The following ZFC3H1 variants were observed in gnomAD, a reference collection of about 807,000 sequenced individuals.
ZFC3H1 encodes zinc finger C3H1 domain-containing protein.
A neutral mutation model predicts 243.7 loss-of-function variants in ZFC3H1; 71 were observed. That is an observed-to-expected ratio of 0.29 (90% CI 0.24 to 0.36). The LOEUF is 0.36. ZFC3H1 is among the 10% of genes least tolerant of loss of function. The pLI is 1.00. For missense variants in ZFC3H1, 1,966 were observed against 2,317.1 expected, an observed-to-expected ratio of 0.85 and a Z score of 3.11; for synonymous variants, 838 against 813.0, an observed-to-expected ratio of 1.03 and a Z score of -0.52.
At position 71,638,497 on chromosome 12, in the gene ZFC3H1, G is replaced by A. The variant is rs749001333; in HGVS notation, c.1646C>T (p.Pro549Leu). 31 of 1,609,962 alleles carry A rather than the reference G, an allele frequency of 1.9e-5. No individual in the cohort carries two copies. Among genetic ancestry groups the A allele is most frequent in the Middle Eastern group, 3.3e-4 (2 of 6,068 alleles). Residue 549 changes from proline to leucine, a missense_variant, in exon 7 of 35, where the codon CCG becomes CTG. Transcript: ENST00000378743. ...CAATGAACATTCAGAGAAAAATGGC[G>A]GTTGCACTGGTGAAGGAGCTGTAAA... ...TSSPAPSPVQPPFFSECSLGY... is the reference protein window; with the variant it reads ...TSSPAPSPVQLPFFSECSLGY...
intron 5 of ZFC3H1, among the ~76,000 whole-genome samples, chr12:71,643,548 C>CT (rs923567411): frequency 6.6e-6 from 1 of 151,894 alleles, no homozygotes; most frequent in Non-Finnish European, 1.5e-5. Context: ...TCTTTTTGGG[C>CT]TTTTTTCTTC....
intron 2 of ZFC3H1, among the ~76,000 whole-genome samples, chr12:71,656,059 T>G (rs563921444): frequency 6.6e-6 from 1 of 152,270 alleles, no homozygotes; most frequent in East Asian, 1.9e-4. Context: ...ATTCCATTAG[T>G]GTGACATTCT....
rs79827052 is a variant in ZFC3H1 at position 71,653,464 on chromosome 12, T to A, written c.1015+3421A>T. Among the ~76,000 whole-genome samples, 11 of 152,250 alleles carry A rather than the reference T, an allele frequency of 7.2e-5. No homozygotes were observed. In the East Asian group the frequency reaches 1.9e-3, roughly 27 times the overall value. ...CCAAAAAAGAGAGAGAATGGGATAA[T>A]ATTCTAAGAGATAATGATCATTTTT... On this transcript the variant is annotated intron_variant, in intron 2 of 34. Coordinates refer to ENST00000378743, the MANE Select transcript of ZFC3H1 (RefSeq NM_144982.5).
At chr12:71,611,718 C>G in intron 32 of ZFC3H1, 68 bp downstream of exon 32, 1 of 612,612 alleles carries the variant, frequency 1.6e-6, no homozygotes, top group Non-Finnish European at 2.6e-6. Flanking sequence ...TTCAGATTTA[C>G]CTGTCTGGAG....
Position 71,613,446 on chromosome 12 carries a change from T to TG in ZFC3H1, c.5527-12dup. 6.4e-7 allele frequency: 1 copy of TG among 1,572,828 alleles called. No homozygotes were observed. Among genetic ancestry groups the TG allele is most frequent in the Non-Finnish European group, 8.6e-7 (1 of 1,157,118 alleles). ...ATAAAAGAAAATAACCTGTAAAGGT[T>TG]GAGGGGGGCGAAAAATGAATGCAAC... On this transcript the variant is annotated splice_polypyrimidine_tract_variant and intron_variant, in intron 30 of 34. Transcript: ENST00000378743.
chr12:71,625,522 T>C (rs926006759), intron 22 of ZFC3H1, among the ~76,000 whole-genome samples: 2 of 152,038 alleles, frequency 1.3e-5, no homozygotes, highest in African/African-American at 2.4e-5. Flanking sequence ...CAAAAACCCA[T>C]CTCTACAAAA....
At chr12:71,655,487 G>C (rs571976368) in intron 2 of ZFC3H1, among the ~76,000 whole-genome samples, 1 of 151,194 alleles carries the variant, frequency 6.6e-6, no homozygotes, top group African/African-American at 2.4e-5. Flanking sequence ...GAAGAGAGCA[G>C]GGAAAAAAAA....
chr12:71,619,797 G>T, intron 26 of ZFC3H1, 129 bp downstream of exon 26: 1 of 797,974 alleles, frequency 1.3e-6, no homozygotes, highest in Non-Finnish European at 2.0e-6. Context: ...AAGTGCTATG[G>T]CAAAGAGAGA....
At chr12:71,653,769 A>G (rs974855668) in intron 2 of ZFC3H1, among the ~76,000 whole-genome samples, 2 of 152,232 alleles carry the variant, frequency 1.3e-5, no homozygotes, top group East Asian at 1.9e-4. Flanking sequence ...TAATCCCAGC[A>G]CTTTGGGAGG....
At chr12:71,629,977 A>G (rs938982842) in intron 18 of ZFC3H1, among the ~76,000 whole-genome samples, 2 of 152,020 alleles carry the variant, frequency 1.3e-5, no homozygotes, top group African/African-American at 4.8e-5. Context: ...CCAAATTGGG[A>G]GCGATAAAAT....
At chr12:71,655,149 G>A (rs1880985665) in intron 2 of ZFC3H1, among the ~76,000 whole-genome samples, 2 of 151,992 alleles carry the variant, frequency 1.3e-5, no homozygotes. Flanking sequence ...ACAAAAAACT[G>A]ATTACATACT....
At chr12:71,613,234 G>C (rs1879815520) in intron 31 of ZFC3H1, 101 bp downstream of exon 31, 2 of 787,192 alleles carry the variant, frequency 2.5e-6, no homozygotes, top group Non-Finnish European at 3.9e-6. Context: ...TGAGGACATA[G>C]TGGAACAACA....
In ZFC3H1 at chr12:71,645,092, A is replaced by G; in HGVS notation, c.1081-17T>C. The G allele has an allele frequency of 6.4e-7, 1 of 1,569,340 alleles. No individual in the cohort carries two copies. On this transcript the variant is annotated splice_polypyrimidine_tract_variant and intron_variant, in intron 3 of 34. Coordinates refer to ENST00000378743, the MANE Select transcript of ZFC3H1 (RefSeq NM_144982.5). ...ACCAAGTTTCTTTAAAGCAAAAAGA[A>G]AGAGCTAAAATTTTTTAATTCTATT...
At chr12:71,659,308 T>TA (rs1257316588) in intron 1 of ZFC3H1, among the ~76,000 whole-genome samples, 1 of 152,190 alleles carries the variant, frequency 6.6e-6, no homozygotes, top group Admixed American at 6.5e-5. Flanking sequence ...ATTTCCCTAA[T>TA]AAAAAAGTCC....
At chr12:71,631,170 T>C (rs1005630877) in intron 16 of ZFC3H1, among the ~76,000 whole-genome samples, 18 of 152,012 alleles carry the variant, frequency 1.2e-4, no homozygotes, top group African/African-American at 4.1e-4. Flanking sequence ...ATAAAATAGT[T>C]TAAACAGAAA....
intron 26 of ZFC3H1, 65 bp downstream of exon 26, chr12:71,619,861 G>C: frequency 1.4e-6 from 2 of 1,459,960 alleles, no homozygotes; most frequent in Non-Finnish European, 1.9e-6. Flanking sequence ...ACACTTCCTG[G>C]TGAGGCCAAT....
At chr12:71,617,845 C>T (rs1006160423) in intron 27 of ZFC3H1, among the ~76,000 whole-genome samples, 1 of 152,096 alleles carries the variant, frequency 6.6e-6, no homozygotes, top group African/African-American at 2.4e-5. Flanking sequence ...AAGAAGGGCC[C>T]TTTGGGAAGG....
intron 3 of ZFC3H1, among the ~76,000 whole-genome samples, chr12:71,645,962 C>A (rs1880719794): frequency 1.3e-5 from 2 of 151,944 alleles, no homozygotes; most frequent in African/African-American, 2.4e-5. Flanking sequence ...CCTCTTTTTT[C>A]TTTATGTATG....
At chr12:71,613,573 A>G (rs1879824898) in intron 30 of ZFC3H1, 138 bp from the exon 31 acceptor site, 2 of 529,194 alleles carry the variant, frequency 3.8e-6, no homozygotes, top group East Asian at 3.1e-5. Flanking sequence ...GTTGTGAGTT[A>G]CAGTTCCTAC....
Sources: allele counts gnomAD v4.1 joint callset (sites outside exome capture counted in the v4.1 genomes callset), GRCh38; gene constraint gnomAD v4.1.1; transcripts MANE v1.5; gene names NCBI Gene and HGNC (gene_info 2026-07-23, HGNC 2026-07-21).